The following MDGA2 variants were observed in gnomAD, a reference collection of about 807,000 sequenced individuals.
The protein encoded by MDGA2 is MAM domain containing glycosylphosphatidylinositol anchor 2.
In MDGA2, 40 loss-of-function variants were observed where a neutral mutation model predicts 117.8. The observed-to-expected ratio is 0.34, with a 90% CI of 0.26 to 0.44. The LOEUF (loss-of-function observed/expected upper bound fraction) is 0.44. Ranked by LOEUF, MDGA2 falls within the 20% of genes least tolerant of loss-of-function variation. The pLI, the probability that MDGA2 is intolerant of heterozygous loss-of-function variation, is 1.00. For missense variants in MDGA2, 1,123 were observed against 1,250.6 expected (o/e 0.90, Z 1.54); for synonymous variants, 452 against 439.0 (o/e 1.03, Z -0.37).
At chr14:47,652,279 A>G (rs750761095) in intron 1 of MDGA2, among the ~76,000 whole-genome samples, 4 of 152,208 alleles carry the variant, frequency 2.6e-5, no homozygotes, top group Non-Finnish European at 5.9e-5. Context: ...TGGAATAAAG[A>G]AGGTTATTTA....
At chr14:47,233,170 A>G (rs1886747433) in intron 2 of MDGA2, among the ~76,000 whole-genome samples, 1 of 152,130 alleles carries the variant, frequency 6.6e-6, no homozygotes, top group Non-Finnish European at 1.5e-5. Context: ...TCATCTATCC[A>G]TGTAAAGATA....
intron 1 of MDGA2, among the ~76,000 whole-genome samples, chr14:47,422,249 AGTG>A (rs1356880051): frequency 1.3e-5 from 2 of 152,186 alleles, no homozygotes; most frequent in Non-Finnish European, 2.9e-5. Context: ...AGGAACTATG[AGTG>A]CTAATGTTGA....
rs78184456 is a variant in MDGA2, at chr14:46,841,642, T to C, written c.*289A>G. The C allele has an allele frequency of 4.4e-5, 9 of 204,674 alleles. No individual in the cohort carries two copies. Among genetic ancestry groups the C allele is most frequent in the Admixed American group, 1.2e-4 (2 of 16,922 alleles). 12.7% of individuals were successfully genotyped at this position (204,674 alleles called of 1,614,324 possible). A position where few individuals can be genotyped will look rare whatever the true frequency, so the allele number is the denominator to read the frequency against. ...TCTTTTTTTCATTTTTTTTTTTTTT[T>C]CCAGAGTTCAACCAGATGACGCTGT... On this transcript the variant is annotated 3_prime_UTR_variant, in exon 17 of 17. Coordinates refer to ENST00000399232, the MANE Select transcript of MDGA2 (RefSeq NM_001113498.3).
intron 11 of MDGA2, among the ~76,000 whole-genome samples, chr14:46,878,724 T>G (rs968905910): frequency 2.6e-5 from 4 of 152,024 alleles, no homozygotes; most frequent in Non-Finnish European, 1.5e-5. Context: ...TGGCAAGATA[T>G]CCATGTATTT....
At chr14:47,458,406 T>C (rs979277695) in intron 1 of MDGA2, among the ~76,000 whole-genome samples, 2 of 152,208 alleles carry the variant, frequency 1.3e-5, no homozygotes, top group African/African-American at 4.8e-5. Context: ...GGAAGTTTTA[T>C]TGTTTCAGGT....
chr14:47,399,189 A>G (rs962518179), intron 1 of MDGA2, among the ~76,000 whole-genome samples: 2 of 152,184 alleles, frequency 1.3e-5, no homozygotes, highest in African/African-American at 4.8e-5. Context: ...AATGTCAAAG[A>G]TAAGACATAA....
intron 6 of MDGA2, among the ~76,000 whole-genome samples, chr14:47,091,834 A>C (rs1422629064): frequency 1.3e-5 from 2 of 152,106 alleles, no homozygotes; most frequent in Non-Finnish European, 2.9e-5. Flanking sequence ...GGATGGAGGC[A>C]ACATCCATAG....
intron 1 of MDGA2, among the ~76,000 whole-genome samples, chr14:47,659,243 G>A (rs1375854195): frequency 1.3e-5 from 2 of 152,128 alleles, no homozygotes; most frequent in Non-Finnish European, 2.9e-5. Flanking sequence ...CACAATAGTA[G>A]GTTGAAATTC....
chr14:47,046,116 C>A (rs936725475), intron 7 of MDGA2, among the ~76,000 whole-genome samples: 1 of 150,982 alleles, frequency 6.6e-6, no homozygotes, highest in Admixed American at 6.6e-5. Flanking sequence ...AACAAACCTG[C>A]ACATTGTGCA....
At chr14:46,954,772 T>C (rs997674987) in intron 9 of MDGA2, among the ~76,000 whole-genome samples, 2 of 152,128 alleles carry the variant, frequency 1.3e-5, no homozygotes, top group African/African-American at 2.4e-5. Flanking sequence ...GATTAGAACA[T>C]AGACTTATCT....
At chr14:47,060,790 T>G (rs1048323815) in intron 7 of MDGA2, among the ~76,000 whole-genome samples, 2 of 152,128 alleles carry the variant, frequency 1.3e-5, no homozygotes, top group Non-Finnish European at 2.9e-5. Context: ...CAATTTTTGT[T>G]AGTGTAGGGT....
intron 5 of MDGA2, among the ~76,000 whole-genome samples, chr14:47,100,925 G>A (rs953995333): frequency 6.6e-6 from 1 of 152,162 alleles, no homozygotes; most frequent in East Asian, 1.9e-4. Flanking sequence ...CAGAATACCA[G>A]GCTGGTAGTC....
intron 1 of MDGA2, among the ~76,000 whole-genome samples, chr14:47,653,928 G>A (rs1198703702): frequency 3.9e-5 from 6 of 152,174 alleles, no homozygotes; most frequent in Non-Finnish European, 1.5e-5. Context: ...AAAAAGAAGT[G>A]CAGCTTTGCT....
intron 1 of MDGA2, among the ~76,000 whole-genome samples, chr14:47,538,174 C>T (rs547158942): frequency 1.3e-5 from 2 of 152,202 alleles, no homozygotes; most frequent in African/African-American, 4.8e-5. Flanking sequence ...TGTGCTAGCA[C>T]GTTGTAACCA....
chr14:47,250,964 C>T (rs1887426133), intron 2 of MDGA2, among the ~76,000 whole-genome samples: 1 of 152,162 alleles, frequency 6.6e-6, no homozygotes, highest in Admixed American at 6.5e-5. Context: ...TGAAATATAT[C>T]AGTCACTTCT....
chr14:47,037,898 A>G (rs1566586589), intron 7 of MDGA2, among the ~76,000 whole-genome samples: 1 of 152,170 alleles, frequency 6.6e-6, no homozygotes. Flanking sequence ...ACCTTGGCCA[A>G]CCAAAACACC....
intron 1 of MDGA2, among the ~76,000 whole-genome samples, chr14:47,445,461 G>A (rs1986944): frequency 0.64 from 97,755 of 151,908 alleles, 31,603 homozygotes; most frequent in Middle Eastern, 0.73. Flanking sequence ...AAAACAACAA[G>A]TACAACTTTT....
chr14:47,174,419 CTA>C (rs1884337057), intron 3 of MDGA2, among the ~76,000 whole-genome samples: 1 of 151,954 alleles, frequency 6.6e-6, no homozygotes, highest in South Asian at 2.1e-4. Flanking sequence ...CCCAGCAAAT[CTA>C]AAAGAACAGA....
chr14:47,393,616 T>G (rs1045456017), intron 1 of MDGA2, among the ~76,000 whole-genome samples: 1 of 152,092 alleles, frequency 6.6e-6, no homozygotes, highest in Non-Finnish European at 1.5e-5. Context: ...CAGCCTCTGG[T>G]TTTTGATTTG....
Sources: gnomAD v4.1 joint callset for allele counts (sites outside exome capture counted in the v4.1 genomes callset) on GRCh38, gnomAD v4.1.1 for gene constraint, MANE v1.5 for transcripts, NCBI Gene and HGNC (gene_info 2026-07-23, HGNC 2026-07-21) for gene names.